Variants in OSGIN1 observed in about 807,000 individuals in gnomAD.
The protein encoded by OSGIN1 is oxidative stress-induced growth inhibitor 1.
A neutral mutation model predicts 20.1 loss-of-function variants in OSGIN1; 19 were observed. That is an observed-to-expected ratio of 0.95 (90% CI 0.66 to 1.39). The LOEUF is 1.39. Among genes scored for constraint, OSGIN1 ranks in the 40% most tolerant of loss-of-function variants. The pLI, the probability that OSGIN1 is intolerant of heterozygous loss-of-function variation, is 0.00. For synonymous variants in OSGIN1, 368 were observed against 297.8 expected, an observed-to-expected ratio of 1.24 and a Z score of -2.43; for missense variants, 820 against 653.0, an observed-to-expected ratio of 1.26 and a Z score of -2.79.
chr16:83,959,840 G>A (rs1399420222), intron 3 of OSGIN1, among the ~76,000 whole-genome samples: 4 of 151,710 alleles, frequency 2.6e-5, no homozygotes, highest in Admixed American at 6.6e-5. Context: ...ACTTTGTTCT[G>A]GCTACAAAGA....
At chr16:83,957,797 G>C (rs1428402755) in intron 2 of OSGIN1, 59 bp downstream of exon 2, 2 of 937,524 alleles carry the variant, frequency 2.1e-6, no homozygotes, top group Non-Finnish European at 3.2e-6. Context: ...TACCCCCCAG[G>C]TCTGAGGGCA....
rs148300856 is a variant in OSGIN1 at position 83,965,606 on chromosome 16, C to A, written c.1033C>A (p.Arg345=). 3.7e-6 allele frequency: 6 copies of A among 1,613,010 alleles called. No individual in the cohort carries two copies. The highest frequency in any genetic ancestry group is 5.1e-6 in the Non-Finnish European group (6 of 1,180,030). Residue 345 remains arginine, a synonymous_variant, in exon 6 of 6, where the codon CGG becomes AGG. Transcript: ENST00000393306. ...PEYHKVHQMM[R]EQSILSPSPY... ...GTACCACAAGGTGCACCAGATGATG[C>A]GGGAGCAGTCCATCCTGTCGCCCAG...
chr16:83,962,339 A>C (rs934736252), intron 5 of OSGIN1, among the ~76,000 whole-genome samples: 7 of 152,148 alleles, frequency 4.6e-5, no homozygotes, highest in South Asian at 4.1e-4. Context: ...CCCAGGTTCA[A>C]GCCATTCTCC....
chr16:83,960,595 C>T lies in OSGIN1; in HGVS notation c.231C>T (p.Leu77=), dbSNP rs146291219. 2.3e-4 allele frequency: 370 copies of T among 1,613,376 alleles called. No individual in the cohort carries two copies. Among genetic ancestry groups the T allele is most frequent in the Admixed American group, 2.8e-4 (17 of 60,018 alleles). ...DQDLDYLSEG[L]EGRSQSPVAL... ...ACCTGGACTACCTGTCCGAAGGCCTCGAAGGCCGATCCCAAAGCCCCGTGG... is the reference window on the plus strand; with the variant it reads ...ACCTGGACTACCTGTCCGAAGGCCTTGAAGGCCGATCCCAAAGCCCCGTGG... Residue 77 remains leucine (L), a synonymous_variant, in exon 4 of 6, where the codon CTC becomes CTT. Coordinates refer to ENST00000393306, the MANE Select transcript of OSGIN1 (RefSeq NM_182981.3).
chr16:83,962,212 C>G (rs1165934058), intron 5 of OSGIN1, among the ~76,000 whole-genome samples: 2 of 152,036 alleles, frequency 1.3e-5, no homozygotes, highest in Admixed American at 1.3e-4. Flanking sequence ...TGAGATGGGT[C>G]TCAGTTAATT....
chr16:83,959,529 A>G (rs1430372043), intron 3 of OSGIN1, 133 bp downstream of exon 3: 3 of 879,458 alleles, frequency 3.4e-6, no homozygotes, highest in African/African-American at 1.7e-5. Context: ...AGAGTCCACA[A>G]AGTCAGCCAC....
rs1192398608 is a variant in OSGIN1, at chr16:83,965,973, C to T, written c.1400C>T (p.Ser467Phe). The T allele has an allele frequency of 6.2e-7, 1 of 1,601,864 alleles. No homozygotes were observed. The highest frequency in any genetic ancestry group is 8.5e-7 in the Non-Finnish European group (1 of 1,175,036). Residue 467 changes from serine (S) to phenylalanine (F), a missense_variant, in exon 6 of 6, where the codon TCC becomes TTC. Physicochemically the swap from Ser to Phe is radical, Grantham distance 155 (BLOSUM62 -2). Coordinates refer to ENST00000393306, the MANE Select transcript of OSGIN1 (RefSeq NM_182981.3). ...GGGGGCGCCTTGGCTGTGGCCAGCT[C>T]CCTGCTAAGGAAGGAGACCAGGAAG... is the stretch of plus-strand genomic sequence containing the variant. ...VQGGALAVAS[S>F]LLRKETRKPP
chr16:83,956,059 G>A (rs1908911513), intron 1 of OSGIN1, among the ~76,000 whole-genome samples: 1 of 152,192 alleles, frequency 6.6e-6, no homozygotes, highest in South Asian at 2.1e-4. Flanking sequence ...AGGTGACAGG[G>A]CTCACCTCTC....
In OSGIN1 at chr16:83,966,079, C is replaced by T; in HGVS notation, c.*72C>T. 1.6e-6 allele frequency: 2 copies of T among 1,261,692 alleles called. No individual in the cohort carries two copies. The highest frequency in any genetic ancestry group is 1.5e-5 in the South Asian group (1 of 64,750). The allele number at this position is 1,261,692 out of a possible 1,614,324, so 78.2% of individuals were successfully genotyped here. A position where few individuals can be genotyped will look rare whatever the true frequency, so the allele number is the denominator to read the frequency against. On this transcript the variant is annotated 3_prime_UTR_variant, in exon 6 of 6. Coordinates refer to ENST00000393306, the MANE Select transcript of OSGIN1 (RefSeq NM_182981.3). ...GACCACATCCCTGCTGGATGCAGGA[C>T]CCGTCCAAAGATGCCCCGGGGAGGG...
intron 5 of OSGIN1, among the ~76,000 whole-genome samples, chr16:83,964,310 TTAAAATAAAATAAAATAA>T (rs745533402): frequency 2.6e-5 from 4 of 151,246 alleles, no homozygotes; most frequent in African/African-American, 7.3e-5. Flanking sequence ...TCTCAAAAAA[TTAAAATAAAATAAAATAA>T]AATAAAATAA....
chr16:83,963,742 C>T (rs1473253047), intron 5 of OSGIN1, among the ~76,000 whole-genome samples: 3 of 152,070 alleles, frequency 2.0e-5, no homozygotes, highest in South Asian at 2.1e-4. Context: ...AGGATTCTCC[C>T]GTATGGGAGT....
In OSGIN1 at chr16:83,966,062, C is replaced by A; in HGVS notation, c.*55C>A. On this transcript the variant is annotated 3_prime_UTR_variant, in exon 6 of 6. Transcript: ENST00000393306. ...CCTGAGAGGACAGAGATGACCACAT[C>A]CCTGCTGGATGCAGGACCCGTCCAA... is the stretch of plus-strand genomic sequence containing the variant. 1 of 1,346,516 alleles carries A rather than the reference C, an allele frequency of 7.4e-7. No individual in the cohort carries two copies. The highest frequency in any genetic ancestry group is 9.9e-7 in the Non-Finnish European group (1 of 1,008,152). The allele number at this position is 1,346,516 out of a possible 1,614,324, so 83.4% of individuals were successfully genotyped here.
intron 1 of OSGIN1, 49 bp from the exon 2 acceptor site, chr16:83,957,590 AC>A: frequency 1.1e-6 from 1 of 939,694 alleles, no homozygotes; most frequent in Admixed American, 2.0e-5. Context: ...CTGTGTGGAC[AC>A]CCAGGCCTCA....
At chr16:83,959,671 AT>A (rs1397506510) in intron 3 of OSGIN1, among the ~76,000 whole-genome samples, 2 of 152,076 alleles carry the variant, frequency 1.3e-5, no homozygotes, top group African/African-American at 2.4e-5. Context: ...TCTGGAGACA[AT>A]TTGGGTTGTC....
At chr16:83,955,196 C>T (rs763860950) in intron 1 of OSGIN1, among the ~76,000 whole-genome samples, 3 of 152,274 alleles carry the variant, frequency 2.0e-5, no homozygotes, top group South Asian at 2.1e-4. Context: ...CAGAGCCATT[C>T]GAGGGTATCA....
In OSGIN1 at chr16:83,953,353, T is replaced by C. The variant is rs1390108493; in HGVS notation, c.-50T>C. ...AACTTGGCCGGGCTCACTGGGCTCC[T>C]GCACCACTGCCTGTCAGGTGAGTGT... On this transcript the variant is annotated 5_prime_UTR_variant, in exon 1 of 6. Coordinates refer to ENST00000393306, the MANE Select transcript of OSGIN1 (RefSeq NM_182981.3). The C allele has an allele frequency of 7.8e-7, 1 of 1,288,896 alleles. No homozygotes were observed. The allele number at this position is 1,288,896 out of a possible 1,614,324, so 79.8% of individuals were successfully genotyped here.
chr16:83,958,491 G>A (rs578211099), intron 2 of OSGIN1, among the ~76,000 whole-genome samples: 1 of 152,180 alleles, frequency 6.6e-6, no homozygotes, highest in African/African-American at 2.4e-5. Context: ...CAGTATGCAG[G>A]CGTCCGATTA....
intron 1 of OSGIN1, among the ~76,000 whole-genome samples, chr16:83,955,731 TC>T (rs1908895078): frequency 1.3e-5 from 2 of 152,248 alleles, no homozygotes; most frequent in Admixed American, 1.3e-4. Flanking sequence ...GGTGGCAGCG[TC>T]CCCCTGAAAT....
intron 3 of OSGIN1, 23 bp downstream of exon 3, chr16:83,959,419 C>A (rs370292938): frequency 1.1e-5 from 17 of 1,611,522 alleles, no homozygotes; most frequent in Middle Eastern, 1.6e-4. Context: ...GGGGCCAGAG[C>A]TCTGGGTAGT....
Sources: gnomAD v4.1 joint callset for allele counts (sites outside exome capture counted in the v4.1 genomes callset) on GRCh38, gnomAD v4.1.1 for gene constraint, MANE v1.5 for transcripts, NCBI Gene and HGNC (gene_info 2026-07-23, HGNC 2026-07-21) for gene names.